The following CNTN6 variants were observed in gnomAD, a reference collection of about 807,000 sequenced individuals.
CNTN6 encodes contactin 6.
CNTN6 carries 137 observed loss-of-function variants against 122.8 expected under a neutral mutation model. The ratio of observed to expected loss-of-function variants is 1.12; its 90% CI spans 0.97 to 1.29. The LOEUF (loss-of-function observed/expected upper bound fraction) is 1.29, where lower values mean the gene tolerates loss of function less well. Among genes scored for constraint, CNTN6 ranks in the 50% most tolerant of loss-of-function variants. The pLI is 0.00. For synonymous variants in CNTN6, 570 were observed against 426.0 expected, an observed-to-expected ratio of 1.34 and a Z score of -4.16; for missense variants, 1,634 against 1,223.4, an observed-to-expected ratio of 1.34 and a Z score of -5.01.
At chr3:1,114,130 T>C (rs1415392167) in intron 1 of CNTN6, among the ~76,000 whole-genome samples, 1 of 152,184 alleles carries the variant, frequency 6.6e-6, no homozygotes, top group Non-Finnish European at 1.5e-5. Context: ...TTCGGTTCTG[T>C]GTGGCTTGAT....
At chr3:1,154,524 A>G (rs2092920004) in intron 2 of CNTN6, among the ~76,000 whole-genome samples, 1 of 150,550 alleles carries the variant, frequency 6.6e-6, no homozygotes, top group South Asian at 2.1e-4. Flanking sequence ...GCTCACTGCA[A>G]CCTCTGCCTC....
intron 1 of CNTN6, among the ~76,000 whole-genome samples, chr3:1,135,521 G>A (rs1202501076): frequency 6.6e-6 from 1 of 152,144 alleles, no homozygotes; most frequent in African/African-American, 2.4e-5. Context: ...GGAAGAAAGT[G>A]CATTCTTTCT....
chr3:1,245,156 C>A (rs1189775827), intron 4 of CNTN6, among the ~76,000 whole-genome samples: 1 of 69,394 alleles, frequency 1.4e-5, no homozygotes, highest in Non-Finnish European at 2.8e-5. Context: ...TGGAAACCAA[C>A]CCAAATGCCC....
intron 1 of CNTN6, among the ~76,000 whole-genome samples, chr3:1,118,903 C>T (rs1378905337): frequency 6.6e-6 from 1 of 152,086 alleles, no homozygotes; most frequent in Non-Finnish European, 1.5e-5. Flanking sequence ...ACACCATTTT[C>T]CTCTCTCCTT....
chr3:1,284,595 A>G (rs1440707786), intron 5 of CNTN6, among the ~76,000 whole-genome samples: 1 of 152,208 alleles, frequency 6.6e-6, no homozygotes, highest in Admixed American at 6.5e-5. Flanking sequence ...CATTTTAGTG[A>G]TAAAGTGGAA....
At chr3:1,275,442 C>T (rs1181191777) in intron 4 of CNTN6, among the ~76,000 whole-genome samples, 1 of 152,152 alleles carries the variant, frequency 6.6e-6, no homozygotes, top group Non-Finnish European at 1.5e-5. Context: ...TCACCTCTAG[C>T]TTTTTACACA....
At chr3:1,401,376 A>G in intron 20 of CNTN6, 57 bp from the exon 21 acceptor site, 3 of 1,406,110 alleles carry the variant, frequency 2.1e-6, no homozygotes, top group Non-Finnish European at 3.0e-6. Context: ...TTGATGCATC[A>G]TACTTTGACC....
chr3:1,118,775 A>G (rs1225433321), intron 1 of CNTN6, among the ~76,000 whole-genome samples: 1 of 152,180 alleles, frequency 6.6e-6, no homozygotes, highest in Non-Finnish European at 1.5e-5. Flanking sequence ...TCTGAGAGAT[A>G]AGCATAGCTT....
intron 2 of CNTN6, among the ~76,000 whole-genome samples, chr3:1,188,142 A>G (rs1048873573): frequency 3.3e-5 from 5 of 152,230 alleles, no homozygotes. Context: ...AATGCTTAAT[A>G]GCAATTGAAA....
chr3:1,338,681 T>C (rs1471695840), intron 11 of CNTN6, among the ~76,000 whole-genome samples: 1 of 152,166 alleles, frequency 6.6e-6, no homozygotes, highest in Admixed American at 6.5e-5. Context: ...AATTTCTGAG[T>C]GACACTTGTA....
chr3:1,311,723 A>G (rs1033721651), intron 7 of CNTN6, among the ~76,000 whole-genome samples: 2 of 151,592 alleles, frequency 1.3e-5, no homozygotes, highest in African/African-American at 4.8e-5. Flanking sequence ...CAGTATACAT[A>G]TATCCTTCCT....
chr3:1,203,550 G>A lies in CNTN6; in HGVS notation c.56-17137G>A, dbSNP rs1014557359. Among the ~76,000 whole-genome samples, 3 of 152,196 alleles carry A rather than the reference G, an allele frequency of 2.0e-5. No homozygotes were observed. In the South Asian group the frequency reaches 6.2e-4, roughly 31 times the overall value. ...GATGATACACATGAAAATGAGGTAC[G>A]GTCTTAGCTTTCCGAAGAAGAGCAC... On this transcript the variant is annotated intron_variant, in intron 2 of 22. Transcript: ENST00000446702.
intron 4 of CNTN6, among the ~76,000 whole-genome samples, chr3:1,243,923 C>T (rs779037278): frequency 1.8e-4 from 27 of 151,506 alleles, no homozygotes; most frequent in African/African-American, 4.9e-4. Flanking sequence ...AGGGGACAGG[C>T]GGGAGGGAAA....
chr3:1,219,704 G>A (rs532451812), intron 2 of CNTN6, among the ~76,000 whole-genome samples: 17 of 152,254 alleles, frequency 1.1e-4, no homozygotes, highest in Admixed American at 3.3e-4. Context: ...GTTGCAGATT[G>A]AAATAGACTA....
intron 8 of CNTN6, among the ~76,000 whole-genome samples, chr3:1,322,596 T>C (rs192448117): frequency 6.6e-6 from 1 of 151,802 alleles, no homozygotes; most frequent in Non-Finnish European, 1.5e-5. Context: ...TGTGACATGT[T>C]TATAATCAAT....
At chr3:1,140,244 G>A (rs542932078) in intron 1 of CNTN6, among the ~76,000 whole-genome samples, 3 of 152,248 alleles carry the variant, frequency 2.0e-5, no homozygotes, top group African/African-American at 4.8e-5. Context: ...AATACAAAGA[G>A]CATTTCTATA....
chr3:1,328,079 C>T (rs1053308478), intron 10 of CNTN6, among the ~76,000 whole-genome samples: 2 of 151,282 alleles, frequency 1.3e-5, no homozygotes, highest in African/African-American at 2.4e-5. Flanking sequence ...TTATAGAAAT[C>T]AAGTCTATGC....
chr3:1,340,189 C>A (rs933222935), intron 11 of CNTN6, among the ~76,000 whole-genome samples: 3 of 152,128 alleles, frequency 2.0e-5, no homozygotes, highest in African/African-American at 7.2e-5. Flanking sequence ...TAATCTTAAA[C>A]ACAACACTGC....
chr3:1,291,817 G>A (rs1695377119), intron 5 of CNTN6, among the ~76,000 whole-genome samples: 1 of 152,138 alleles, frequency 6.6e-6, no homozygotes. Context: ...ATGGTATGAT[G>A]AAAGACTCCA....
Sources: allele counts gnomAD v4.1 joint callset (sites outside exome capture counted in the v4.1 genomes callset), GRCh38; gene constraint gnomAD v4.1.1; transcripts MANE v1.5; gene names NCBI Gene and HGNC (gene_info 2026-07-23, HGNC 2026-07-21).